The following AGPS variants were observed in gnomAD, a reference collection of about 807,000 sequenced individuals.
AGPS encodes the protein alkylglycerone phosphate synthase.
A neutral mutation model predicts 90.7 loss-of-function variants in AGPS; 26 were observed. The ratio of observed to expected loss-of-function variants is 0.29; its 90% CI spans 0.21 to 0.40. The LOEUF (loss-of-function observed/expected upper bound fraction) is 0.40, where lower values mean the gene tolerates loss of function less well. AGPS is among the 10% of genes least tolerant of loss of function. The pLI is 1.00. For missense variants in AGPS, 540 were observed against 816.1 expected (o/e 0.66, Z 4.12); for synonymous variants, 294 against 285.3 (o/e 1.03, Z -0.31).
intron 10 of AGPS, among the ~76,000 whole-genome samples, chr2:177,481,456 G>C (rs1219742117): frequency 2.0e-5 from 3 of 149,926 alleles, no homozygotes; most frequent in Non-Finnish European, 4.5e-5. Flanking sequence ...TTCTTTTATT[G>C]GTGGTCATCT....
intron 11 of AGPS, among the ~76,000 whole-genome samples, chr2:177,490,386 T>A (rs1023369748): frequency 1.3e-5 from 2 of 152,208 alleles, no homozygotes; most frequent in African/African-American, 4.8e-5. Context: ...ACTGACTTTT[T>A]AAAAATCTGG....
At position 177,458,406 on chromosome 2, in the gene AGPS, G is replaced by C. The variant is rs146329013; in HGVS notation, c.871-3487G>C. On this transcript the variant is annotated intron_variant, in intron 8 of 19. Transcript: ENST00000264167. Reference sequence around the variant, plus strand: ...GAAGAGAGGAAGTCAAATTGTCTCTGTTTGCAGATGACATGATTGTATATT... The same window carrying C: ...GAAGAGAGGAAGTCAAATTGTCTCTCTTTGCAGATGACATGATTGTATATT... Among the ~76,000 whole-genome samples the C allele has an allele frequency of 4.6e-3, 705 of 152,302 alleles. 4 individuals carry two copies. Among genetic ancestry groups the C allele is most frequent in the African/African-American group, 0.016 (665 of 41,548 alleles).
At position 177,434,289 on chromosome 2, in the gene AGPS, T is replaced by C. The variant is rs557061139; in HGVS notation, c.351-38T>C. Reference sequence around the variant, plus strand: ...TTTAAGCTTTAAATTTAAATGAAGATACTTTGCTCTAATATTTTTACTTTC... The same window carrying C: ...TTTAAGCTTTAAATTTAAATGAAGACACTTTGCTCTAATATTTTTACTTTC... On this transcript the variant is annotated intron_variant, in intron 2 of 19. Transcript: ENST00000264167. 7.7e-6 allele frequency: 11 copies of C among 1,428,632 alleles called. No homozygotes were observed. In the African/African-American group the frequency reaches 9.9e-5, roughly 13 times the overall value. The allele number at this position is 1,428,632 out of a possible 1,614,324, so 88.5% of individuals were successfully genotyped here.
At chr2:177,413,876 C>A (rs1253838591) in intron 1 of AGPS, among the ~76,000 whole-genome samples, 1 of 152,128 alleles carries the variant, frequency 6.6e-6, no homozygotes, top group Admixed American at 6.5e-5. Context: ...GTGTGTATTT[C>A]CATTTTCAAA....
At chr2:177,505,480 A>T (rs1271484836) in intron 14 of AGPS, 26 bp from the exon 15 acceptor site, 1 of 1,598,860 alleles carries the variant, frequency 6.3e-7, no homozygotes, top group Admixed American at 1.7e-5. Flanking sequence ...TAAAAAATTT[A>T]TTAACAGTTT....
intron 1 of AGPS, among the ~76,000 whole-genome samples, chr2:177,396,691 G>T (rs1426594207): frequency 6.6e-6 from 1 of 152,186 alleles, no homozygotes; most frequent in Non-Finnish European, 1.5e-5. Context: ...TGATGGCAAT[G>T]AGAATAGGGA....
intron 9 of AGPS, among the ~76,000 whole-genome samples, chr2:177,468,197 C>T (rs1053584375): frequency 2.6e-5 from 4 of 151,990 alleles, no homozygotes; most frequent in African/African-American, 9.7e-5. Flanking sequence ...AAGAGATGTA[C>T]AATCTTAGAA....
intron 2 of AGPS, among the ~76,000 whole-genome samples, chr2:177,421,753 C>T (rs990666306): frequency 6.6e-6 from 1 of 151,984 alleles, no homozygotes; most frequent in African/African-American, 2.4e-5. Flanking sequence ...ATAGAAACAT[C>T]GATGTAGAGA....
chr2:177,421,802 CT>C (rs1685948613), intron 2 of AGPS, among the ~76,000 whole-genome samples: 1 of 152,112 alleles, frequency 6.6e-6, no homozygotes, highest in Non-Finnish European at 1.5e-5. Flanking sequence ...AAAAATTAAT[CT>C]TCTGAACTTA....
chr2:177,523,935 T>A, intron 19 of AGPS, 130 bp downstream of exon 19: 1 of 804,656 alleles, frequency 1.2e-6, no homozygotes, highest in Non-Finnish European at 2.1e-6. Flanking sequence ...TTTCTATGTC[T>A]TTGAAATAGC....
intron 17 of AGPS, among the ~76,000 whole-genome samples, chr2:177,519,363 T>C (rs532563752): frequency 6.6e-6 from 1 of 152,188 alleles, no homozygotes; most frequent in Admixed American, 6.5e-5. Context: ...CAATCCGACC[T>C]ATCCCAATTT....
intron 14 of AGPS, among the ~76,000 whole-genome samples, chr2:177,501,411 C>G (rs1323030338): frequency 6.6e-6 from 1 of 152,080 alleles, no homozygotes; most frequent in African/African-American, 2.4e-5. Flanking sequence ...TGACATAATG[C>G]TTGTTTGTTG....
chr2:177,538,222 G>A lies in AGPS; in HGVS notation c.*27G>A. Reference sequence around the variant, plus strand: ...TCCATTAGTACCATTACAAAAAAATGTCAATTTTTTTTTTAAGTTTTCAAC... The same window carrying A: ...TCCATTAGTACCATTACAAAAAAATATCAATTTTTTTTTTAAGTTTTCAAC... On this transcript the variant is annotated 3_prime_UTR_variant, in exon 20 of 20. Transcript: ENST00000264167. The A allele has an allele frequency of 6.2e-7, 1 of 1,607,254 alleles. No homozygotes were observed. The highest frequency in any genetic ancestry group is 8.5e-7 in the Non-Finnish European group (1 of 1,174,798).
rs1045645304 is a variant in AGPS at position 177,539,153 on chromosome 2, G to C, written c.*958G>C. On this transcript the variant is annotated 3_prime_UTR_variant, in exon 20 of 20. Coordinates refer to ENST00000264167, the MANE Select transcript of AGPS (RefSeq NM_003659.4). ...TCAACTACTGAATTTGAAAGCCTCA[G>C]CAGTTTCAATGACAAAAATCATTTT... 2.0e-5 allele frequency: 3 copies of C among 152,018 alleles called. No homozygotes were observed. Among genetic ancestry groups the C allele is most frequent in the African/African-American group, 7.2e-5 (3 of 41,428 alleles). 9.4% of individuals were successfully genotyped at this position (152,018 alleles called of 1,614,324 possible). A position where few individuals can be genotyped will look rare whatever the true frequency, so the allele number is the denominator to read the frequency against.
intron 2 of AGPS, among the ~76,000 whole-genome samples, chr2:177,431,757 G>A (rs1686251132): frequency 6.6e-6 from 1 of 152,174 alleles, no homozygotes; most frequent in Admixed American, 6.5e-5. Flanking sequence ...ACCTTTGGTT[G>A]TGTTCCCTTG....
At chr2:177,519,200 C>G (rs1471782111) in intron 17 of AGPS, among the ~76,000 whole-genome samples, 1 of 152,128 alleles carries the variant, frequency 6.6e-6, no homozygotes, top group East Asian at 1.9e-4. Context: ...GGTTCCTCTA[C>G]TCATGGATGT....
intron 11 of AGPS, among the ~76,000 whole-genome samples, chr2:177,484,713 T>G (rs1047509577): frequency 6.6e-6 from 1 of 152,120 alleles, no homozygotes; most frequent in Non-Finnish European, 1.5e-5. Flanking sequence ...GACATAATTC[T>G]AATTCACCAT....
intron 16 of AGPS, among the ~76,000 whole-genome samples, chr2:177,510,459 C>T (rs939586398): frequency 5.3e-5 from 8 of 152,160 alleles, no homozygotes; most frequent in East Asian, 1.9e-4. Context: ...TCCAAATCAC[C>T]GGGACAGTGG....
chr2:177,399,875 T>A (rs1382419084), intron 1 of AGPS, among the ~76,000 whole-genome samples: 1 of 152,196 alleles, frequency 6.6e-6, no homozygotes, highest in Admixed American at 6.5e-5. Flanking sequence ...GTTTGGCTTC[T>A]TTCCTTCAGA....
Sources: allele counts gnomAD v4.1 joint callset (sites outside exome capture counted in the v4.1 genomes callset), GRCh38; gene constraint gnomAD v4.1.1; transcripts MANE v1.5; gene names NCBI Gene and HGNC (gene_info 2026-07-23, HGNC 2026-07-21).